The following NTRK2 variants were observed in gnomAD, a reference collection of about 807,000 sequenced individuals.
The protein encoded by NTRK2 is neurotrophic receptor tyrosine kinase 2, also known as BDNF/NT-3 growth factors receptor.
Under a neutral mutation model 94.5 loss-of-function variants are expected in NTRK2, and 13 were observed. The ratio of observed to expected loss-of-function variants is 0.14; its 90% CI spans 0.09 to 0.22. The LOEUF is 0.22. Ranked by LOEUF, NTRK2 falls within the 10% of genes least tolerant of loss-of-function variation. NTRK2 has a pLI of 1.00. For synonymous variants in NTRK2, 372 were observed against 407.4 expected, an observed-to-expected ratio of 0.91 and a Z score of 1.05; for missense variants, 639 against 1,071.2, an observed-to-expected ratio of 0.60 and a Z score of 5.63.
At chr9:84,796,728 C>T (rs1260364187) in intron 12 of NTRK2, among the ~76,000 whole-genome samples, 5 of 152,080 alleles carry the variant, frequency 3.3e-5, no homozygotes, top group Non-Finnish European at 7.4e-5. Flanking sequence ...CTTTCATGAA[C>T]AAAGGAATTT....
chr9:84,841,570 C>A lies in NTRK2; in HGVS notation c.1397-19470C>A, dbSNP rs150714498. Among the ~76,000 whole-genome samples, 125 of 152,330 alleles carry A rather than the reference C, an allele frequency of 8.2e-4. No homozygotes were observed. In the East Asian group the frequency reaches 0.021, roughly 26 times the overall value. On this transcript the variant is annotated intron_variant, in intron 12 of 18. Transcript: ENST00000277120. ...ACAGCATTTGTATCTGTGGCTCCCTCTTTCTGGAATGTTTTTCTCCTCTCC... is the reference window on the plus strand; with the variant it reads ...ACAGCATTTGTATCTGTGGCTCCCTATTTCTGGAATGTTTTTCTCCTCTCC...
At chr9:84,689,684 AGT>A (rs1228364409) in intron 2 of NTRK2, among the ~76,000 whole-genome samples, 1 of 152,174 alleles carries the variant, frequency 6.6e-6, no homozygotes, top group Non-Finnish European at 1.5e-5. Flanking sequence ...AGTGATGCTA[AGT>A]ACATCCACGT....
chr9:84,812,323 A>G, intron 12 of NTRK2: 2 of 1,058,282 alleles, frequency 1.9e-6, no homozygotes, highest in Non-Finnish European at 2.3e-6. Context: ...GGATTGCAGC[A>G]TTTCACTTGG....
In NTRK2 at chr9:85,025,065, C is replaced by T. The variant is rs557346999; in HGVS notation, c.*3628C>T. The T allele has an allele frequency of 4.3e-6, 1 of 233,114 alleles. No individual in the cohort carries two copies. Among genetic ancestry groups the T allele is most frequent in the Non-Finnish European group, 8.5e-6 (1 of 117,964 alleles). 14.4% of individuals were successfully genotyped at this position (233,114 alleles called of 1,614,324 possible). On this transcript the variant is annotated 3_prime_UTR_variant, in exon 19 of 19. Coordinates refer to ENST00000277120, the MANE Select transcript of NTRK2 (RefSeq NM_006180.6). Reference sequence around the variant, plus strand: ...CTTAAAATATGCTAAATAACCAAAACTGTTTAACGTCATGTTGCTGTTAGT... The same window carrying T: ...CTTAAAATATGCTAAATAACCAAAATTGTTTAACGTCATGTTGCTGTTAGT...
At chr9:84,823,329 A>G (rs1436796556) in intron 12 of NTRK2, among the ~76,000 whole-genome samples, 2 of 152,188 alleles carry the variant, frequency 1.3e-5, no homozygotes, top group Non-Finnish European at 2.9e-5. Flanking sequence ...TTATTGATTC[A>G]TATTCTTTCA....
intron 6 of NTRK2, 44 bp downstream of exon 6, chr9:84,710,835 T>C (rs1481561487): frequency 5.6e-6 from 9 of 1,600,706 alleles, no homozygotes; most frequent in Non-Finnish European, 7.7e-6. Flanking sequence ...CTATTAATTA[T>C]TCTCATTGCC....
At chr9:84,747,633 A>G (rs1052087079) in intron 11 of NTRK2, among the ~76,000 whole-genome samples, 1 of 152,042 alleles carries the variant, frequency 6.6e-6, no homozygotes, top group African/African-American at 2.4e-5. Context: ...ACCTGCCAGC[A>G]TGCCTGGCTA....
chr9:84,886,213 A>T (rs1272614817), intron 14 of NTRK2, among the ~76,000 whole-genome samples: 1 of 152,204 alleles, frequency 6.6e-6, no homozygotes, highest in East Asian at 1.9e-4. Flanking sequence ...GGACTCAGGT[A>T]AAGCAGTGCC....
rs767598391 is a variant in NTRK2 at position 84,723,554 on chromosome 9, T to C, written c.584-19T>C. ...TTAACTATTTGCATATGCCTCTGTT[T>C]ACTTTTCTTGTTCCATAGGTTTGCC... On this transcript the variant is annotated intron_variant, in intron 6 of 18. Transcript: ENST00000277120. 6.2e-7 allele frequency: 1 copy of C among 1,613,878 alleles called. No individual in the cohort carries two copies. Among genetic ancestry groups the C allele is most frequent in the African/African-American group, 1.3e-5 (1 of 74,944 alleles).
intron 2 of NTRK2, among the ~76,000 whole-genome samples, chr9:84,695,054 CAAAAAA>C (rs61049105): frequency 1.5e-5 from 1 of 68,484 alleles, no homozygotes; most frequent in Non-Finnish European, 3.2e-5. Context: ...GACTCCGTCT[CAAAAAA>C]AAAAAAAAAA....
intron 17 of NTRK2, among the ~76,000 whole-genome samples, chr9:84,968,389 A>G (rs1825808160): frequency 6.6e-6 from 1 of 152,226 alleles, no homozygotes; most frequent in African/African-American, 2.4e-5. Flanking sequence ...CCCACTGTGC[A>G]GAGCAAAGTT....
At chr9:84,750,179 G>T (rs1479280347) in intron 11 of NTRK2, among the ~76,000 whole-genome samples, 1 of 152,096 alleles carries the variant, frequency 6.6e-6, no homozygotes, top group Non-Finnish European at 1.5e-5. Context: ...ATAATGCCTG[G>T]CCTCTACCCA....
At chr9:84,734,392 A>C (rs1209878727) in intron 9 of NTRK2, among the ~76,000 whole-genome samples, 1 of 152,220 alleles carries the variant, frequency 6.6e-6, no homozygotes, top group Non-Finnish European at 1.5e-5. Flanking sequence ...AAATGCTTTT[A>C]TCTCAGACTA....
At chr9:84,886,764 G>C (rs1008312012) in intron 14 of NTRK2, among the ~76,000 whole-genome samples, 2 of 152,060 alleles carry the variant, frequency 1.3e-5, no homozygotes, top group African/African-American at 4.8e-5. Flanking sequence ...ACCAGTTCTT[G>C]CTTCTAGATT....
chr9:84,776,441 C>T (rs1423717838), intron 12 of NTRK2, among the ~76,000 whole-genome samples: 1 of 152,168 alleles, frequency 6.6e-6, no homozygotes, highest in East Asian at 1.9e-4. Flanking sequence ...AGGCTGGTGT[C>T]GAACTCCTGA....
chr9:84,916,085 G>A (rs571737885), intron 14 of NTRK2, among the ~76,000 whole-genome samples: 1 of 152,110 alleles, frequency 6.6e-6, no homozygotes, highest in East Asian at 2.0e-4. Flanking sequence ...ACAACGTGCA[G>A]TGCTACAAAG....
At chr9:84,848,312 T>A (rs1433917269) in intron 12 of NTRK2, among the ~76,000 whole-genome samples, 2 of 152,246 alleles carry the variant, frequency 1.3e-5, no homozygotes, top group African/African-American at 4.8e-5. Flanking sequence ...AATCCGCAGC[T>A]GTGCATCTCT....
chr9:84,765,938 A>C (rs572503931), intron 12 of NTRK2, among the ~76,000 whole-genome samples: 1 of 152,186 alleles, frequency 6.6e-6, no homozygotes, highest in Admixed American at 6.5e-5. Flanking sequence ...GGTTTAAACA[A>C]TTTCATTTCA....
At chr9:84,890,659 T>C (rs1014389140) in intron 14 of NTRK2, among the ~76,000 whole-genome samples, 9 of 152,352 alleles carry the variant, frequency 5.9e-5, no homozygotes, top group Middle Eastern at 3.4e-3. Context: ...TCCATCTTCC[T>C]ACTGCCATAA....
Sources: gnomAD v4.1 joint callset for allele counts (sites outside exome capture counted in the v4.1 genomes callset) on GRCh38, gnomAD v4.1.1 for gene constraint, MANE v1.5 for transcripts, NCBI Gene and HGNC (gene_info 2026-07-23, HGNC 2026-07-21) for gene names.